CCSER1: variants seen among roughly 807,000 people sequenced by gnomAD.
CCSER1 encodes the protein serine-rich coiled-coil domain-containing protein 1.
CCSER1 carries 41 observed loss-of-function variants against 82.0 expected under a neutral mutation model. That is an observed-to-expected ratio of 0.50 (90% confidence interval 0.39 to 0.65). CCSER1 has a LOEUF of 0.65. CCSER1 is among the 30% of genes least tolerant of loss of function. The pLI, the probability that CCSER1 is intolerant of heterozygous loss-of-function variation, is 0.00. For synonymous variants in CCSER1, 414 were observed against 383.9 expected (o/e 1.08, Z -0.92); for missense variants, 1,119 against 1,064.2 (o/e 1.05, Z -0.72).
intron 10 of CCSER1, among the ~76,000 whole-genome samples, chr4:91,288,224 G>A (rs73835119): frequency 0.038 from 5,653 of 150,038 alleles, 149 homozygotes; most frequent in Middle Eastern, 0.076. Flanking sequence ...TGGTTTTAGC[G>A]TAGGATGTAG....
chr4:90,451,112 G>C (rs1250387974), intron 4 of CCSER1, among the ~76,000 whole-genome samples: 1 of 152,140 alleles, frequency 6.6e-6, no homozygotes, highest in African/African-American at 2.4e-5. Context: ...GCACAGTGAA[G>C]ATAGTATTGT....
At chr4:90,424,150 G>A (rs923598563) in intron 4 of CCSER1, among the ~76,000 whole-genome samples, 1 of 149,100 alleles carries the variant, frequency 6.7e-6, no homozygotes, top group African/African-American at 2.6e-5. Context: ...ATATTGATGT[G>A]TTAATAAGGT....
At chr4:90,825,971 T>C (rs1046813432) in intron 8 of CCSER1, among the ~76,000 whole-genome samples, 2 of 152,142 alleles carry the variant, frequency 1.3e-5, no homozygotes, top group African/African-American at 2.4e-5. Flanking sequence ...ATTACAGGCC[T>C]GAGTCACCGC....
chr4:90,665,056 C>T (rs1187877934), intron 6 of CCSER1, among the ~76,000 whole-genome samples: 1 of 151,852 alleles, frequency 6.6e-6, no homozygotes, highest in Non-Finnish European at 1.5e-5. Context: ...GTTTAGTGAA[C>T]TTATTTTTCC....
In CCSER1 at chr4:90,335,879, A is replaced by G. The variant is rs76968167; in HGVS notation, c.1509+22832A>G. 5.7e-3 allele frequency among the ~76,000 whole-genome samples: 866 copies of G among 152,294 alleles called. 1 individual carries two copies. The highest frequency in any genetic ancestry group is 9.1e-3 in the Non-Finnish European group (617 of 68,018). ...GTGGTCCTCCCGCCTTGTCTTTCCA[A>G]AGTGCTGGGATTACAGGCGTGAGCC... On this transcript the variant is annotated intron_variant, in intron 3 of 10. Transcript: ENST00000509176.
intron 1 of CCSER1, among the ~76,000 whole-genome samples, chr4:90,287,118 C>G (rs1438748489): frequency 2.0e-5 from 3 of 151,600 alleles, no homozygotes; most frequent in Non-Finnish European, 4.4e-5. Context: ...ACACATAGGA[C>G]TTTGCTACTG....
intron 5 of CCSER1, among the ~76,000 whole-genome samples, chr4:90,491,548 A>C (rs571092569): frequency 6.6e-6 from 1 of 152,130 alleles, no homozygotes; most frequent in Non-Finnish European, 1.5e-5. Flanking sequence ...AACTTCCAAC[A>C]CTATGTTGAA....
At chr4:91,296,465 A>G (rs202195658) in intron 10 of CCSER1, among the ~76,000 whole-genome samples, 5,047 of 47,152 alleles carry the variant, frequency 0.11, 218 homozygotes, top group Middle Eastern at 0.15. Context: ...ATATATATAT[A>G]TGTATATATA....
chr4:91,350,027 T>G (rs1461914059), intron 10 of CCSER1, among the ~76,000 whole-genome samples: 2 of 152,166 alleles, frequency 1.3e-5, no homozygotes, highest in Non-Finnish European at 2.9e-5. Context: ...AGTTTCAGTT[T>G]GTTCTGTTTT....
intron 7 of CCSER1, among the ~76,000 whole-genome samples, chr4:90,802,043 C>A (rs1050539075): frequency 6.6e-6 from 1 of 151,670 alleles, no homozygotes; most frequent in Non-Finnish European, 1.5e-5. Context: ...TATGGTGAAA[C>A]CCTGCCTCTA....
chr4:91,217,873 C>G (rs1245585960), intron 10 of CCSER1, among the ~76,000 whole-genome samples: 1 of 152,262 alleles, frequency 6.6e-6, no homozygotes, highest in East Asian at 1.9e-4. Flanking sequence ...AGACTCTCCA[C>G]TCCCCACCAG....
At chr4:91,311,551 T>G (rs192054211) in intron 10 of CCSER1, among the ~76,000 whole-genome samples, 1 of 151,936 alleles carries the variant, frequency 6.6e-6, no homozygotes, top group Admixed American at 6.6e-5. Flanking sequence ...GCAAATGTTA[T>G]TAGAATTCTG....
chr4:91,206,387 G>A (rs192376856), intron 10 of CCSER1, among the ~76,000 whole-genome samples: 115 of 152,000 alleles, frequency 7.6e-4, no homozygotes, highest in African/African-American at 2.3e-3. Context: ...CCTTCAAGGC[G>A]CTGAAAAGCG....
chr4:90,535,057 A>G (rs1200714519), intron 5 of CCSER1, among the ~76,000 whole-genome samples: 1 of 152,204 alleles, frequency 6.6e-6, no homozygotes, highest in Non-Finnish European at 1.5e-5. Flanking sequence ...TTCATCAGGA[A>G]TAGGAAGAAA....
chr4:90,335,513 C>T (rs1022266487), intron 3 of CCSER1, among the ~76,000 whole-genome samples: 1 of 152,102 alleles, frequency 6.6e-6, no homozygotes, highest in Non-Finnish European at 1.5e-5. Context: ...AGAATATGAG[C>T]TTTCTATGAC....
intron 10 of CCSER1, among the ~76,000 whole-genome samples, chr4:91,580,612 C>T (rs1763683425): frequency 6.6e-6 from 1 of 151,654 alleles, no homozygotes; most frequent in East Asian, 1.9e-4. Context: ...TAGCCTGATC[C>T]TTCAAAATTG....
chr4:91,293,500 TACC>T (rs922358042), intron 10 of CCSER1, among the ~76,000 whole-genome samples: 1 of 152,042 alleles, frequency 6.6e-6, no homozygotes, highest in African/African-American at 2.4e-5. Context: ...GTTATTTGTT[TACC>T]ACTGCTTTTG....
intron 5 of CCSER1, among the ~76,000 whole-genome samples, chr4:90,579,661 A>T (rs1579278269): frequency 6.6e-6 from 1 of 151,436 alleles, no homozygotes; most frequent in Middle Eastern, 3.4e-3. Flanking sequence ...ACTAATATAA[A>T]GTACCTGGGG....
intron 5 of CCSER1, among the ~76,000 whole-genome samples, chr4:90,552,148 T>G (rs1777596101): frequency 6.6e-6 from 1 of 152,146 alleles, no homozygotes; most frequent in Non-Finnish European, 1.5e-5. Flanking sequence ...GACTTAATAT[T>G]AATACTATCA....
Sources: allele counts gnomAD v4.1 joint callset (sites outside exome capture counted in the v4.1 genomes callset), GRCh38; gene constraint gnomAD v4.1.1; transcripts MANE v1.5; gene names NCBI Gene and HGNC (gene_info 2026-07-23, HGNC 2026-07-21).